The following CNDP1 variants were observed in gnomAD, a reference collection of about 807,000 sequenced individuals.
The protein encoded by CNDP1 is beta-Ala-His dipeptidase.
In CNDP1, 44 loss-of-function variants were observed where a neutral mutation model predicts 58.1. That is an observed-to-expected ratio of 0.76 (90% confidence interval 0.60 to 0.97). The LOEUF (loss-of-function observed/expected upper bound fraction) is 0.97, where lower values mean the gene tolerates loss of function less well. Ranked by LOEUF, CNDP1 falls within the 50% of genes least tolerant of loss-of-function variation. The pLI, the probability that CNDP1 is intolerant of heterozygous loss-of-function variation, is 0.00. For synonymous variants in CNDP1, 254 were observed against 252.6 expected (o/e 1.01, Z -0.05); for missense variants, 616 against 655.1 (o/e 0.94, Z 0.65).
At chr18:74,557,009 A>G (rs1410337077) in intron 2 of CNDP1, among the ~76,000 whole-genome samples, 1 of 151,720 alleles carries the variant, frequency 6.6e-6, no homozygotes, top group African/African-American at 2.4e-5. Flanking sequence ...TCCCAGGTTC[A>G]GGTGATTCTC....
chr18:74,563,459 G>T (rs974903048), intron 5 of CNDP1, among the ~76,000 whole-genome samples: 5 of 152,072 alleles, frequency 3.3e-5, no homozygotes. Context: ...AATCTGTTTT[G>T]CTTTTTAAAT....
intron 1 of CNDP1, 135 bp from the exon 2 acceptor site, chr18:74,556,203 G>A (rs763335485): frequency 2.4e-5 from 22 of 906,830 alleles, no homozygotes; most frequent in African/African-American, 3.3e-5. Context: ...TGGTTCTACC[G>A]CCTTGTGTTA....
chr18:74,535,660 T>C (rs1980469682), intron 1 of CNDP1, among the ~76,000 whole-genome samples: 1 of 151,660 alleles, frequency 6.6e-6, no homozygotes. Context: ...CTGAATACTG[T>C]CTTACTTTAA....
rs368922318 is a variant in CNDP1, at chr18:74,578,338, C to G, written c.1167+11C>G. On this transcript the variant is annotated intron_variant, in intron 9 of 11. Coordinates refer to ENST00000358821, the MANE Select transcript of CNDP1 (RefSeq NM_032649.6). ...GCGGTGGAAAAACAGGTAACAAATG[C>G]TTATTGTGACAATAACATGTTTCAG... 1.4e-5 allele frequency: 23 copies of G among 1,593,668 alleles called. No individual in the cohort carries two copies. The highest frequency in any genetic ancestry group is 1.8e-5 in the Non-Finnish European group (21 of 1,168,842).
chr18:74,571,857 C>T (rs1981487650), intron 7 of CNDP1, among the ~76,000 whole-genome samples: 1 of 152,236 alleles, frequency 6.6e-6, no homozygotes, highest in South Asian at 2.1e-4. Context: ...CCAGGTATGT[C>T]CTTGCTCTGC....
intron 1 of CNDP1, among the ~76,000 whole-genome samples, chr18:74,538,882 C>G (rs942216958): frequency 6.6e-6 from 1 of 152,206 alleles, no homozygotes; most frequent in Non-Finnish European, 1.5e-5. Flanking sequence ...GACAGAGAAC[C>G]TGTCGCCTTT....
chr18:74,582,419 A>G (rs2144581499), intron 10 of CNDP1, among the ~76,000 whole-genome samples: 1 of 152,338 alleles, frequency 6.6e-6, no homozygotes, highest in South Asian at 2.1e-4. Flanking sequence ...AGTTAAAACT[A>G]TTTTGTGCAA....
chr18:74,572,455 C>T (rs1599099440), intron 7 of CNDP1, among the ~76,000 whole-genome samples: 2 of 152,186 alleles, frequency 1.3e-5, no homozygotes, highest in East Asian at 1.9e-4. Flanking sequence ...TGCAACACCT[C>T]GCTGTGCTCC....
rs755735833 is a variant in CNDP1, at chr18:74,559,281, G to A, written c.154-42G>A. The A allele has an allele frequency of 4.0e-5, 65 of 1,611,350 alleles. No individual in the cohort carries two copies. The Admixed American group carries it at 1.1e-3, about 27-fold the overall frequency. ...CCTTCGCTCCCCCCGCAGAGCAGAT[G>A]TGGGACCCCAATGCTAATGGCCTGC... On this transcript the variant is annotated intron_variant, in intron 2 of 11. Transcript: ENST00000358821.
intron 10 of CNDP1, among the ~76,000 whole-genome samples, chr18:74,580,758 A>G (rs1981769209): frequency 6.6e-6 from 1 of 152,222 alleles, no homozygotes; most frequent in African/African-American, 2.4e-5. Context: ...GCGTGAGCTC[A>G]GGAGTTCAAG....
intron 1 of CNDP1, among the ~76,000 whole-genome samples, chr18:74,553,222 C>T (rs570928950): frequency 6.6e-6 from 1 of 152,270 alleles, no homozygotes; most frequent in South Asian, 2.1e-4. Flanking sequence ...CCACATTCTA[C>T]GTGTTGTCTT....
At position 74,582,700 on chromosome 18, in the gene CNDP1, TGAGAAAC is replaced by T. The variant is rs571438864; in HGVS notation, c.1310-859_1310-853del. ...AAGGTCATGAAAGACAAGGAAATAC[TGAGAAAC>T]GTCTGCAGCATACAAGAAACTAAGA... is the stretch of plus-strand genomic sequence containing the variant. On this transcript the variant is annotated intron_variant, in intron 10 of 11. Coordinates refer to ENST00000358821, the MANE Select transcript of CNDP1 (RefSeq NM_032649.6). 1.0e-3 allele frequency among the ~76,000 whole-genome samples: 159 copies of T among 152,256 alleles called. 1 individual carries two copies. The highest frequency in any genetic ancestry group is 3.8e-3 in the African/African-American group (158 of 41,538).
rs1388242284 is a variant in CNDP1 at position 74,587,020 on chromosome 18, T to C, written c.*2458T>C. The C allele has an allele frequency of 2.0e-5, 3 of 152,312 alleles. No homozygotes were observed. The East Asian group carries it at 5.8e-4, about 29-fold the overall frequency. The allele number at this position is 152,312 out of a possible 1,614,324, so 9.4% of individuals were successfully genotyped here. On this transcript the variant is annotated 3_prime_UTR_variant, in exon 12 of 12. Transcript: ENST00000358821. ...TGTGGCATGCCCATCAGGGGGACTT[T>C]GTTGTATTGGAGGAGGGCAATGTAT... is the stretch of plus-strand genomic sequence containing the variant.
rs371268412 is a variant in CNDP1, at chr18:74,560,970, C to T, written c.418C>T (p.Arg140Trp). 3.5e-5 allele frequency: 57 copies of T among 1,613,978 alleles called. No homozygotes were observed. In the African/African-American group the frequency reaches 3.9e-4, roughly 11 times the overall value. The change falls in exon 4 of 12, where the codon CGG becomes TGG. Residue 140 changes from arginine (R) to tryptophan (W), a missense_variant. Coordinates refer to ENST00000358821, the MANE Select transcript of CNDP1 (RefSeq NM_032649.6). ...CCACTTGGACGTGCAGCCTGCTGAC[C>T]GGGGCGATGGGTGGCTCACGGACCC... ...YGHLDVQPAD[R>W]GDGWLTDPYV...
Position 74,583,643 on chromosome 18 carries a change from C to T in CNDP1, c.1392C>T (p.Ser464=), listed in dbSNP as rs201554681. The stretch of plus-strand genomic sequence containing the variant: ...TGTTCCAGGAGATCGTCCACAAGAG[C>T]GTGGTGCTAATTCCGCTGGGAGCTG... ...AKMFQEIVHK[S]VVLIPLGAVD... Residue 464 remains serine, a synonymous_variant, in exon 11 of 12, where the codon AGC becomes AGT. Coordinates refer to ENST00000358821, the MANE Select transcript of CNDP1 (RefSeq NM_032649.6). 88 of 1,614,090 alleles carry T rather than the reference C, an allele frequency of 5.5e-5. No individual in the cohort carries two copies. The East Asian group carries it at 1.7e-3, about 32-fold the overall frequency.
rs2144642865 is a variant in CNDP1 at position 74,545,868 on chromosome 18, T to G, written c.25-10470T>G. Among the ~76,000 whole-genome samples the G allele has an allele frequency of 6.6e-6, 1 of 152,304 alleles. No individual in the cohort carries two copies. The highest frequency in any genetic ancestry group is 2.1e-4 in the South Asian group (1 of 4,824). On this transcript the variant is annotated intron_variant, in intron 1 of 11. Transcript: ENST00000358821. This position sits in a 1 kb window ranked among gnomAD's most constrained non-coding sequence, Gnocchi z 4.1. The stretch of plus-strand genomic sequence containing the variant: ...CAAAGGAGAATGTTCGCCTTGGGTT[T>G]TGGCTCCAGCGTCAGGCACAGCCTC...
chr18:74,584,384 T>C (rs896757337), intron 11 of CNDP1, 112 bp from the exon 12 acceptor site: 3 of 748,494 alleles, frequency 4.0e-6, no homozygotes, highest in Non-Finnish European at 6.9e-6. Flanking sequence ...TGTTAAATAA[T>C]TTAAATGGAA....
rs1241037551 is a variant in CNDP1 at position 74,571,254 on chromosome 18, T to A, written c.825T>A (p.Asp275Glu). Residue 275 changes from aspartate (D) to glutamate (E), a missense_variant, in exon 7 of 12, where the codon GAT becomes GAA. Transcript: ENST00000358821. ...FGGILHEPMA[D>E]LVALLGSLVD... The stretch of plus-strand genomic sequence containing the variant: ...GCATCCTTCATGAACCAATGGCTGA[T>A]CTGGTTGCTCTTCTCGGTAATGCCT... 1 of 1,611,458 alleles carries A rather than the reference T, an allele frequency of 6.2e-7. No homozygotes were observed. The highest frequency in any genetic ancestry group is 1.1e-5 in the South Asian group (1 of 91,006).
intron 6 of CNDP1, among the ~76,000 whole-genome samples, chr18:74,569,330 A>G (rs1209228487): frequency 6.6e-6 from 1 of 152,184 alleles, no homozygotes; most frequent in Non-Finnish European, 1.5e-5. Context: ...GAACTGAAGA[A>G]TCAACTTCAA....
Sources: gnomAD v4.1 joint callset for allele counts (sites outside exome capture counted in the v4.1 genomes callset) on GRCh38, gnomAD v4.1.1 for gene constraint, Gnocchi (gnomAD v3.1) non-coding constraint, MANE v1.5 for transcripts, NCBI Gene and HGNC (gene_info 2026-07-23, HGNC 2026-07-21) for gene names.